The following PCDHGB2 variants were observed in gnomAD, a reference collection of about 807,000 sequenced individuals.
The protein encoded by PCDHGB2 is protocadherin gamma subfamily B, 2, also known as protocadherin gamma-B2.
PCDHGB2 carries 55 observed loss-of-function variants against 59.3 expected under a neutral mutation model. The ratio of observed to expected loss-of-function variants is 0.93; its 90% CI spans 0.75 to 1.16. The LOEUF is 1.16. Among genes scored for constraint, PCDHGB2 ranks in the 50% most tolerant of loss-of-function variants. The pLI is 0.00. For missense variants in PCDHGB2, 1,228 were observed against 1,198.5 expected (o/e 1.02, Z -0.36); for synonymous variants, 516 against 512.0 (o/e 1.01, Z -0.11).
rs961341807 is a variant in PCDHGB2 at position 141,486,262 on chromosome 5, A to G, written c.2422-8545A>G. The G allele has an allele frequency of 6.2e-6, 10 of 1,613,912 alleles. No individual in the cohort carries two copies. Among genetic ancestry groups the G allele is most frequent in the Non-Finnish European group, 8.5e-6 (10 of 1,179,986 alleles). On this transcript the variant is annotated intron_variant, in intron 1 of 3. Transcript: ENST00000522605. This position sits in a 1 kb window ranked among gnomAD's most constrained non-coding sequence, Gnocchi z 5.0. ...AGCTTGGAACCCTCCCCGAGAGTGC[A>G]GAACCTGGCACTGTGGTGGCACTTA...
At chr5:141,389,465 A>G (rs1485260449) in intron 1 of PCDHGB2, 2 of 1,613,184 alleles carry the variant, frequency 1.2e-6, no homozygotes, top group Admixed American at 1.7e-5. Context: ...GCGCCTTCGA[A>G]CTCACACTGC....
chr5:141,432,031 C>T lies in PCDHGB2; in HGVS notation c.2422-62776C>T. The T allele has an allele frequency of 6.2e-7, 1 of 1,614,220 alleles. No individual in the cohort carries two copies. Among genetic ancestry groups the T allele is most frequent in the Non-Finnish European group, 8.5e-7 (1 of 1,180,048 alleles). ...CTAGCTACAACATCACAGTGACCGC[C>T]ACTGACCGGGGAACCCCGCCCCTAT... On this transcript the variant is annotated intron_variant, in intron 1 of 3. Coordinates refer to ENST00000522605, the MANE Select transcript of PCDHGB2 (RefSeq NM_018923.3). This position sits in a 1 kb window ranked among gnomAD's most constrained non-coding sequence, Gnocchi z 6.0.
At chr5:141,454,313 G>A (rs986902404) in intron 1 of PCDHGB2, among the ~76,000 whole-genome samples, 1 of 152,296 alleles carries the variant, frequency 6.6e-6, no homozygotes, top group Non-Finnish European at 1.5e-5. Context: ...TCAAAGCATT[G>A]AAACCTCCAA....
chr5:141,460,270 C>G (rs1223096441), intron 1 of PCDHGB2, among the ~76,000 whole-genome samples: 1 of 151,828 alleles, frequency 6.6e-6, no homozygotes, highest in Non-Finnish European at 1.5e-5. Context: ...TTTATTTTTT[C>G]TTTTATAGTT....
At chr5:141,428,616 G>A (rs2097151212) in intron 1 of PCDHGB2, 1 of 207,844 alleles carries the variant, frequency 4.8e-6, no homozygotes, top group Admixed American at 5.3e-5. Flanking sequence ...AGAATAACAA[G>A]ATAAGCTCTA....
Position 141,431,461 on chromosome 5 carries a change from T to C in PCDHGB2, c.2422-63346T>C, listed in dbSNP as rs1477501293. 1 of 1,613,800 alleles carries C rather than the reference T, an allele frequency of 6.2e-7. No individual in the cohort carries two copies. Among genetic ancestry groups the C allele is most frequent in the Admixed American group, 1.7e-5 (1 of 60,032 alleles). ...CGCGCATCCGCGTGATGGTTCTGGA[T>C]GCGAACGACAACGCACCAGCGTTTG... On this transcript the variant is annotated intron_variant, in intron 1 of 3. Transcript: ENST00000522605. The surrounding 1 kb of genome is among the most constrained non-coding windows in gnomAD (Gnocchi z 4.8).
chr5:141,490,984 T>TCTG lies in PCDHGB2; in HGVS notation c.2422-3820_2422-3818dup. On this transcript the variant is annotated intron_variant, in intron 1 of 3. Transcript: ENST00000522605. The surrounding 1 kb of genome is among the most constrained non-coding windows in gnomAD (Gnocchi z 5.4). ...CTCAGCCCCCCAGCGTCTCCCTCGCTCTGCTCCTCCTGGCTCCTTGGTCAC... is the reference window on the plus strand; with the variant it reads ...CTCAGCCCCCCAGCGTCTCCCTCGCTCTGCTGCTCCTCCTGGCTCCTTGGTCAC... The TCTG allele has an allele frequency of 1.2e-6, 2 of 1,614,110 alleles. No homozygotes were observed. Among genetic ancestry groups the TCTG allele is most frequent in the Non-Finnish European group, 1.7e-6 (2 of 1,180,028 alleles).
At chr5:141,422,110 T>A in intron 1 of PCDHGB2, 1 of 1,606,626 alleles carries the variant, frequency 6.2e-7, no homozygotes, top group South Asian at 1.1e-5. Flanking sequence ...AATATTCCAA[T>A]TGGATTCACA....
chr5:141,476,317 G>C lies in PCDHGB2; in HGVS notation c.2422-18490G>C, dbSNP rs759809060. The C allele has an allele frequency of 1.2e-6, 2 of 1,614,052 alleles. No homozygotes were observed. The highest frequency in any genetic ancestry group is 2.7e-5 in the African/African-American group (2 of 74,922). ...GTAGCCTCTCAGCCCGCAGGTTCCGGGTGGTGTCTGGAGCTAGCCGAAGAT... is the reference window on the plus strand; with the variant it reads ...GTAGCCTCTCAGCCCGCAGGTTCCGCGTGGTGTCTGGAGCTAGCCGAAGAT... On this transcript the variant is annotated intron_variant, in intron 1 of 3. Coordinates refer to ENST00000522605, the MANE Select transcript of PCDHGB2 (RefSeq NM_018923.3). The surrounding 1 kb of genome is among the most constrained non-coding windows in gnomAD (Gnocchi z 7.6).
chr5:141,423,706 A>C (rs1045905298), intron 1 of PCDHGB2: 1 of 1,231,762 alleles, frequency 8.1e-7, no homozygotes, highest in Admixed American at 3.4e-5. Context: ...TCTTGGCACA[A>C]GTCTTTTAAG....
rs762926348 is a variant in PCDHGB2, at chr5:141,408,364, A to C, written c.2421+45808A>C. ...TGGTGGGGAACCTCGCTAAGGATCTAGGGCTCAGTGTCCTGGATGTGTCGG... is the reference window on the plus strand; with the variant it reads ...TGGTGGGGAACCTCGCTAAGGATCTCGGGCTCAGTGTCCTGGATGTGTCGG... On this transcript the variant is annotated intron_variant, in intron 1 of 3. Transcript: ENST00000522605. 3.7e-6 allele frequency: 6 copies of C among 1,613,960 alleles called. No individual in the cohort carries two copies. In the East Asian group the frequency reaches 1.3e-4, roughly 36 times the overall value.
chr5:141,369,965 TA>T (rs2149954345), intron 1 of PCDHGB2, among the ~76,000 whole-genome samples: 1 of 152,346 alleles, frequency 6.6e-6, no homozygotes, highest in African/African-American at 2.4e-5. Flanking sequence ...CTTTGACAAG[TA>T]AAAGGTACTT....
chr5:141,415,915 TGC>T, intron 1 of PCDHGB2: 1 of 724,854 alleles, frequency 1.4e-6, no homozygotes, highest in Non-Finnish European at 1.9e-6. Flanking sequence ...CATACAGAAG[TGC>T]CTGTCAATTT....
chr5:141,415,194 C>T (rs1252476580), intron 1 of PCDHGB2: 2 of 1,614,064 alleles, frequency 1.2e-6, no homozygotes, highest in Non-Finnish European at 1.7e-6. Context: ...ACAGCATCCC[C>T]CAAGTCCTGG....
In PCDHGB2 at chr5:141,485,849, G is replaced by A. The variant is rs777288674; in HGVS notation, c.2422-8958G>A. ...AGGGAACCCGCCGAGATCTGGCACC[G>A]CAGAGCTCCGGGTATCCGTGCTGGA... On this transcript the variant is annotated intron_variant, in intron 1 of 3. Transcript: ENST00000522605. The surrounding 1 kb of genome is among the most constrained non-coding windows in gnomAD (Gnocchi z 5.7). 3 of 1,614,130 alleles carry A rather than the reference G, an allele frequency of 1.9e-6. No individual in the cohort carries two copies. In the South Asian group the frequency reaches 3.3e-5, roughly 18 times the overall value.
chr5:141,428,459 A>C, intron 1 of PCDHGB2: 2 of 350,154 alleles, frequency 5.7e-6, no homozygotes, highest in Non-Finnish European at 5.5e-6. Context: ...CCCAACTACA[A>C]TGAGGGAACT....
intron 1 of PCDHGB2, among the ~76,000 whole-genome samples, chr5:141,462,035 C>G (rs35674654): frequency 2.0e-5 from 3 of 152,076 alleles, no homozygotes; most frequent in Non-Finnish European, 4.4e-5. Context: ...GTTGGTCAGG[C>G]GGGTCTTGAA....
Position 141,477,197 on chromosome 5 carries a change from G to C in PCDHGB2, c.2422-17610G>C, listed in dbSNP as rs781504885. 6.2e-7 allele frequency: 1 copy of C among 1,614,210 alleles called. No homozygotes were observed. Among genetic ancestry groups the C allele is most frequent in the South Asian group, 1.1e-5 (1 of 91,082 alleles). On this transcript the variant is annotated intron_variant, in intron 1 of 3. Transcript: ENST00000522605. The surrounding 1 kb of genome is among the most constrained non-coding windows in gnomAD (Gnocchi z 4.9). ...CACAGTCACCTCCGTGTACAGCCCA[G>C]TACCCGAGGATGCCCCTCTGGGGAC...
rs2099627530 is a variant in PCDHGB2, at chr5:141,486,292, T to C, written c.2422-8515T>C. On this transcript the variant is annotated intron_variant, in intron 1 of 3. Transcript: ENST00000522605. This position sits in a 1 kb window ranked among gnomAD's most constrained non-coding sequence, Gnocchi z 5.0. ...CTGGCACTGTGGTGGCACTTATCAGTGTGCAGGATCCAGACTCAGGGTCAA... is the reference window on the plus strand; with the variant it reads ...CTGGCACTGTGGTGGCACTTATCAGCGTGCAGGATCCAGACTCAGGGTCAA... 5 of 1,613,970 alleles carry C rather than the reference T, an allele frequency of 3.1e-6. No individual in the cohort carries two copies. The highest frequency in any genetic ancestry group is 4.2e-6 in the Non-Finnish European group (5 of 1,179,982).
Sources: allele counts gnomAD v4.1 joint callset (sites outside exome capture counted in the v4.1 genomes callset), GRCh38; gene constraint gnomAD v4.1.1; non-coding constraint Gnocchi (gnomAD v3.1); transcripts MANE v1.5; gene names NCBI Gene and HGNC (gene_info 2026-07-23, HGNC 2026-07-21).